Variants in PTCH1 observed in about 807,000 individuals in gnomAD.
PTCH1 encodes the protein protein patched homolog 1.
Under a neutral mutation model 144.6 loss-of-function variants are expected in PTCH1, and 14 were observed. That is an observed-to-expected ratio of 0.10 (90% confidence interval 0.06 to 0.15). The LOEUF (loss-of-function observed/expected upper bound fraction) is 0.15, where lower values mean the gene tolerates loss of function less well. PTCH1 is among the 10% of genes least tolerant of loss of function. The pLI, the probability that PTCH1 is intolerant of heterozygous loss-of-function variation, is 1.00. For missense variants in PTCH1, 1,623 were observed against 1,948.3 expected, an observed-to-expected ratio of 0.83 and a Z score of 3.14; for synonymous variants, 833 against 793.6, an observed-to-expected ratio of 1.05 and a Z score of -0.83.
chr9:95,473,134 A>T (rs1280174239), intron 12 of PTCH1, among the ~76,000 whole-genome samples: 1 of 152,226 alleles, frequency 6.6e-6, no homozygotes, highest in African/African-American at 2.4e-5. Flanking sequence ...ATTACAAAGA[A>T]TTACAGCTGA....
At chr9:95,477,178 C>G (rs1309566478) in intron 10 of PTCH1, among the ~76,000 whole-genome samples, 1 of 152,226 alleles carries the variant, frequency 6.6e-6, no homozygotes, top group African/African-American at 2.4e-5. Flanking sequence ...AGTGCACATT[C>G]TCAGCCCCGG....
At chr9:95,483,633 C>A (rs975074407) in intron 3 of PTCH1, 1 of 152,226 alleles carries the variant, frequency 6.6e-6, no homozygotes, top group Non-Finnish European at 1.5e-5. Flanking sequence ...GGGCAGATCT[C>A]CTGCTGAAAC....
rs749448606 is a variant in PTCH1, at chr9:95,456,360, G to A, written c.3222C>T (p.Ile1074=). The A allele has an allele frequency of 8.4e-5, 136 of 1,613,960 alleles. 2 individuals carry two copies. In the South Asian group the frequency reaches 9.6e-4, roughly 11 times the overall value. The part of the protein sequence containing the change: ...TVELFGMMGL[I]GIKLSAVPVV... The stretch of plus-strand genomic sequence containing the variant: ...CGGGCACGGCACTGAGCTTGATTCC[G>A]ATGAGGCCCATCATGCCGAACAGCT... The change falls in exon 19 of 24, where the codon ATC becomes ATT. Residue 1074 remains isoleucine (I), a synonymous_variant. Transcript: ENST00000331920.
chr9:95,469,777 A>G (rs764463287), intron 13 of PTCH1, 36 bp downstream of exon 13: 1 of 1,545,814 alleles, frequency 6.5e-7, no homozygotes, highest in Non-Finnish European at 8.9e-7. Context: ...ACCATTCTGC[A>G]CCCAATCAAA....
At chr9:95,463,308 A>G (rs1165207689) in intron 15 of PTCH1, among the ~76,000 whole-genome samples, 2 of 151,742 alleles carry the variant, frequency 1.3e-5, no homozygotes, top group Non-Finnish European at 2.9e-5. Context: ...GGCTAGAGGA[A>G]CAATTTGGGG....
intron 20 of PTCH1, chr9:95,450,169 A>G: frequency 1.8e-6 from 1 of 568,618 alleles, no homozygotes; most frequent in Non-Finnish European, 3.2e-6. Context: ...GTGTTAGTTC[A>G]TGAAGGGAAG....
chr9:95,446,645 G>A, intron 23 of PTCH1: 1 of 579,722 alleles, frequency 1.7e-6, no homozygotes, highest in Non-Finnish European at 3.1e-6. Flanking sequence ...GTAAAAGGTG[G>A]TGCTGTTTGT....
At chr9:95,509,295 A>G (rs555512580), upstream of PTCH1, among the ~76,000 whole-genome samples, 2 of 152,208 alleles carry the variant, frequency 1.3e-5, no homozygotes, top group East Asian at 3.9e-4. Flanking sequence ...CGAAAGAGAA[A>G]AAGGCTGGAG....
At position 95,447,337 on chromosome 9, in the gene PTCH1, G is replaced by C. The variant is rs574880967; in HGVS notation, c.3919C>G (p.Pro1307Ala). Residue 1307 changes from proline (P) to alanine (A), a missense_variant, in exon 23 of 24, where the codon CCC (proline) becomes GCC (alanine). Around this residue, in one of 7 missense-constraint regions of PTCH1, gnomAD observed 291 missense variants for 287.4 expected, o/e 1.01. Coordinates refer to ENST00000331920, the MANE Select transcript of PTCH1 (RefSeq NM_000264.5). ...RQGQQPRRDP[P>A]REGLWPPPYR... ...GGGGGTGGCCACAAGCCTTCTCTGG[G>C]GGGGTCCCTGCGGGGCTGCTGGCCT... The C allele has an allele frequency of 1.1e-5, 17 of 1,613,504 alleles. No homozygotes were observed. The South Asian group carries it at 1.6e-4, about 16-fold the overall frequency.
intron 2 of PTCH1, chr9:95,494,290 C>T: frequency 1.0e-6 from 1 of 985,518 alleles, no homozygotes; most frequent in Non-Finnish European, 1.2e-6. Flanking sequence ...GCAATCAGGT[C>T]AGCCCGGCAC....
At chr9:95,453,656 G>T in intron 19 of PTCH1, 36 bp from the exon 20 acceptor site, 1 of 1,611,348 alleles carries the variant, frequency 6.2e-7, no homozygotes, top group South Asian at 1.1e-5. Context: ...TCAGGTTGCT[G>T]GACTTCACCT....
At position 95,480,409 on chromosome 9, in the gene PTCH1, G is replaced by A. The variant is rs762382517; in HGVS notation, c.926C>T (p.Pro309Leu). The A allele has an allele frequency of 3.7e-6, 6 of 1,610,688 alleles. No homozygotes were observed. Among genetic ancestry groups the A allele is most frequent in the African/African-American group, 1.4e-5 (1 of 73,874 alleles). Residue 309 changes from proline (P) to leucine (L), a missense_variant, in exon 6 of 24, where the codon CCC becomes CTC. Transcript: ENST00000331920. ...ACTCACTTTGGTTGAATTTTTGTTGGGGGCTGTGGCGGGGCAGTCTGGATC... is the reference window on the plus strand; with the variant it reads ...ACTCACTTTGGTTGAATTTTTGTTGAGGGCTGTGGCGGGGCAGTCTGGATC... ...PADPDCPATA[P>L]NKNSTKPLDM...
intron 3 of PTCH1, chr9:95,482,565 G>A (rs1281102257): frequency 3.0e-6 from 1 of 337,984 alleles, no homozygotes; most frequent in East Asian, 7.8e-5. Context: ...AATAGGCGGG[G>A]ATTAAATTAG....
chr9:95,495,778 G>C (rs1842747767), intron 2 of PTCH1, among the ~76,000 whole-genome samples: 1 of 152,118 alleles, frequency 6.6e-6, no homozygotes, highest in Non-Finnish European at 1.5e-5. Context: ...TGGGTGGGAA[G>C]AAAAACAAAA....
Position 95,453,584 on chromosome 9 carries a change from C to T in PTCH1, c.3343G>A (p.Ala1115Thr), listed in dbSNP as rs2136632049. The T allele has an allele frequency of 6.2e-7, 1 of 1,614,046 alleles. No homozygotes were observed. The highest frequency in any genetic ancestry group is 1.1e-5 in the South Asian group (1 of 91,080). ...AACATGTGCTCCAGGGCAAGCACAG[C>T]CCTGCGGTTCTTGTCGCCGATGGCC... The part of the protein sequence containing the change: ...LTAIGDKNRR[A>T]VLALEHMFAP... The change falls in exon 20 of 24, where the codon GCT becomes ACT. Residue 1115 changes from alanine to threonine, a missense_variant. By Grantham distance (58) the Ala-to-Thr change is moderately conservative. Transcript: ENST00000331920.
At chr9:95,490,556 C>CAT (rs745936852) in intron 2 of PTCH1, among the ~76,000 whole-genome samples, 1 of 141,056 alleles carries the variant, frequency 7.1e-6, no homozygotes, top group East Asian at 2.0e-4. Flanking sequence ...CACACACACA[C>CAT]AAAAGAAAGA....
chr9:95,472,557 A>G (rs1473087865), intron 12 of PTCH1, among the ~76,000 whole-genome samples: 4 of 152,296 alleles, frequency 2.6e-5, no homozygotes, highest in African/African-American at 9.6e-5. Context: ...AGTGGAATGT[A>G]GAGAAGAGAC....
intron 18 of PTCH1, among the ~76,000 whole-genome samples, chr9:95,456,823 G>A (rs1021365322): frequency 1.1e-4 from 16 of 152,092 alleles, no homozygotes; most frequent in Non-Finnish European, 4.4e-5. Context: ...GAGACCATCC[G>A]TGAACCCATC....
At chr9:95,501,113 C>T (rs1360179332) in intron 2 of PTCH1, among the ~76,000 whole-genome samples, 1 of 152,220 alleles carries the variant, frequency 6.6e-6, no homozygotes, top group Non-Finnish European at 1.5e-5. Flanking sequence ...TAATAAACGT[C>T]TTCCATCTGC....
Sources: allele counts gnomAD v4.1 joint callset (sites outside exome capture counted in the v4.1 genomes callset), GRCh38; gene constraint gnomAD v4.1.1; regional missense constraint gnomAD v4.1.1; transcripts MANE v1.5; gene names NCBI Gene and HGNC (gene_info 2026-07-23, HGNC 2026-07-21).